COL25A1: variants seen among roughly 807,000 people sequenced by gnomAD.
COL25A1 encodes collagen type XXV alpha 1 chain.
A neutral mutation model predicts 128.4 loss-of-function variants in COL25A1; 103 were observed. The ratio of observed to expected loss-of-function variants is 0.80; its 90% CI spans 0.68 to 0.94. The LOEUF (loss-of-function observed/expected upper bound fraction) is 0.94. Ranked by LOEUF, COL25A1 falls within the 40% of genes least tolerant of loss-of-function variation. COL25A1 has a pLI of 0.00. For missense variants in COL25A1, 745 were observed against 840.0 expected, an observed-to-expected ratio of 0.89 and a Z score of 1.40; for synonymous variants, 279 against 277.2, an observed-to-expected ratio of 1.01 and a Z score of -0.06.
chr4:109,268,034 AG>A (rs1169741912), intron 3 of COL25A1, among the ~76,000 whole-genome samples: 1 of 152,214 alleles, frequency 6.6e-6, no homozygotes, highest in Non-Finnish European at 1.5e-5. Context: ...TAAAATGTCA[AG>A]CTAAATTAAC....
chr4:109,211,300 A>AAAC (rs1560874862), intron 3 of COL25A1, among the ~76,000 whole-genome samples: 1 of 47,264 alleles, frequency 2.1e-5, no homozygotes, highest in Admixed American at 2.2e-4. Flanking sequence ...CTATATATAT[A>AAAC]TATATATATA....
chr4:108,869,511 C>T (rs549998474), intron 19 of COL25A1, among the ~76,000 whole-genome samples: 1 of 152,230 alleles, frequency 6.6e-6, no homozygotes, highest in Non-Finnish European at 1.5e-5. Flanking sequence ...TCAGGTCACT[C>T]TTATAAGACT....
At chr4:108,905,283 T>C (rs1260408374) in intron 13 of COL25A1, among the ~76,000 whole-genome samples, 1 of 152,042 alleles carries the variant, frequency 6.6e-6, no homozygotes, top group Non-Finnish European at 1.5e-5. Context: ...AAGTGCAAAA[T>C]ACAATTTTAA....
At chr4:109,018,642 A>G (rs1228268247) in intron 5 of COL25A1, among the ~76,000 whole-genome samples, 5 of 152,190 alleles carry the variant, frequency 3.3e-5, no homozygotes, top group Non-Finnish European at 7.4e-5. Flanking sequence ...GATCTTGCCC[A>G]TCCTCAACTC....
chr4:109,219,458 T>C (rs939340277), intron 3 of COL25A1, among the ~76,000 whole-genome samples: 1 of 152,080 alleles, frequency 6.6e-6, no homozygotes, highest in African/African-American at 2.4e-5. Context: ...GTTTTTACTC[T>C]TAGTCTGTAC....
chr4:108,998,770 T>C (rs1159646644), intron 6 of COL25A1, among the ~76,000 whole-genome samples: 2 of 152,128 alleles, frequency 1.3e-5, no homozygotes, highest in African/African-American at 4.8e-5. Flanking sequence ...AACAGATATA[T>C]AGACCAATGG....
chr4:109,143,484 A>G (rs577215343), intron 3 of COL25A1, among the ~76,000 whole-genome samples: 113 of 152,268 alleles, frequency 7.4e-4, no homozygotes, highest in African/African-American at 2.4e-3. Flanking sequence ...CTCCTGGATA[A>G]TATCCTAAAG....
intron 3 of COL25A1, among the ~76,000 whole-genome samples, chr4:109,263,652 C>G (rs1352765010): frequency 6.6e-6 from 1 of 152,206 alleles, no homozygotes; most frequent in Non-Finnish European, 1.5e-5. Flanking sequence ...GAACAATAAA[C>G]TGAACGTTGT....
intron 3 of COL25A1, among the ~76,000 whole-genome samples, chr4:109,108,493 G>A (rs1011473770): frequency 8.5e-5 from 13 of 152,106 alleles, no homozygotes; most frequent in African/African-American, 3.1e-4. Flanking sequence ...ATAAACATAC[G>A]TGTGCATGTG....
At chr4:108,836,178 G>A (rs1360512828) in intron 31 of COL25A1, among the ~76,000 whole-genome samples, 1 of 151,796 alleles carries the variant, frequency 6.6e-6, no homozygotes, top group African/African-American at 2.4e-5. Context: ...CCTTACATAC[G>A]TCTTTTGTTA....
intron 3 of COL25A1, among the ~76,000 whole-genome samples, chr4:109,191,232 A>C (rs79286292): frequency 0.031 from 4,742 of 152,306 alleles, 258 homozygotes; most frequent in African/African-American, 0.11. Context: ...TCAGTGATGA[A>C]ATAAATTATG....
At chr4:109,109,969 C>T (rs530707294) in intron 3 of COL25A1, among the ~76,000 whole-genome samples, 1 of 152,300 alleles carries the variant, frequency 6.6e-6, no homozygotes, top group African/African-American at 2.4e-5. Flanking sequence ...ATCTTATAAA[C>T]TGAAGTGTGG....
intron 3 of COL25A1, among the ~76,000 whole-genome samples, chr4:109,092,493 G>A (rs4496651): frequency 0.013 from 1,922 of 152,168 alleles, 31 homozygotes; most frequent in Admixed American, 0.018. Context: ...ACACATGCGT[G>A]CACACACCAC....
intron 8 of COL25A1, among the ~76,000 whole-genome samples, chr4:108,955,841 AT>A (rs1232191328): frequency 1.3e-5 from 2 of 152,324 alleles, no homozygotes; most frequent in Admixed American, 6.5e-5. Flanking sequence ...CAGAAAAAAA[AT>A]ATAGTTGTTT....
At chr4:109,269,067 T>C (rs901428188) in intron 3 of COL25A1, among the ~76,000 whole-genome samples, 1 of 143,402 alleles carries the variant, frequency 7.0e-6, no homozygotes, top group Non-Finnish European at 1.5e-5. Context: ...TATCTCCCAA[T>C]GCTATCCCTC....
At chr4:108,884,952 C>T (rs1348827240) in intron 18 of COL25A1, among the ~76,000 whole-genome samples, 1 of 151,926 alleles carries the variant, frequency 6.6e-6, no homozygotes, top group Non-Finnish European at 1.5e-5. Context: ...TATTTTAAGC[C>T]CAAAGAATGA....
intron 3 of COL25A1, among the ~76,000 whole-genome samples, chr4:109,068,489 G>GTTT (rs1762651513): frequency 6.6e-6 from 1 of 151,988 alleles, no homozygotes; most frequent in Admixed American, 6.6e-5. Flanking sequence ...AAATCGGAGG[G>GTTT]AAAGCAAACA....
At chr4:109,041,240 A>G (rs1759862744) in intron 5 of COL25A1, among the ~76,000 whole-genome samples, 1 of 152,112 alleles carries the variant, frequency 6.6e-6, no homozygotes, top group South Asian at 2.1e-4. Context: ...GATTTGAGAA[A>G]TACTGAAAGA....
chr4:109,297,166 A>T (rs146910895), intron 3 of COL25A1, among the ~76,000 whole-genome samples: 68 of 152,218 alleles, frequency 4.5e-4, no homozygotes, highest in African/African-American at 1.6e-3. Flanking sequence ...TATTTTTTAA[A>T]ATAGAGCTTT....
Sources: gnomAD v4.1 joint callset for allele counts (sites outside exome capture counted in the v4.1 genomes callset) on GRCh38, gnomAD v4.1.1 for gene constraint, MANE v1.5 for transcripts, NCBI Gene and HGNC (gene_info 2026-07-23, HGNC 2026-07-21) for gene names.